Variants in KANK1 observed in about 807,000 individuals in gnomAD.
The protein encoded by KANK1 is KN motif and ankyrin repeat domain-containing protein 1.
KANK1 carries 109 observed loss-of-function variants against 106.2 expected under a neutral mutation model. That is an observed-to-expected ratio of 1.03 (90% CI 0.88 to 1.20). KANK1 has a LOEUF of 1.20. Among genes scored for constraint, KANK1 ranks in the 50% most tolerant of loss-of-function variants. The probability of loss-of-function intolerance (pLI) is 0.00; values close to 1 mark genes in which losing one functional copy is unlikely to be tolerated. For missense variants in KANK1, 2,399 were observed against 1,710.7 expected, an observed-to-expected ratio of 1.40 and a Z score of -7.10; for synonymous variants, 873 against 652.2, an observed-to-expected ratio of 1.34 and a Z score of -5.16.
chr9:647,813 G>A (rs892807990), intron 1 of KANK1, among the ~76,000 whole-genome samples: 4 of 150,326 alleles, frequency 2.7e-5, no homozygotes, highest in Admixed American at 6.6e-5. Flanking sequence ...GAAATAGCCC[G>A]CAATCCCAGA....
intron 2 of KANK1, among the ~76,000 whole-genome samples, chr9:683,494 C>G (rs1278364227): frequency 6.6e-6 from 1 of 152,204 alleles, no homozygotes; most frequent in African/African-American, 2.4e-5. Context: ...GCTGAGCTCA[C>G]ACAGCTAATG....
At chr9:522,006 A>C (rs2133238806) in intron 1 of KANK1, among the ~76,000 whole-genome samples, 1 of 151,780 alleles carries the variant, frequency 6.6e-6, no homozygotes, top group South Asian at 2.1e-4. Context: ...TTTTTGGAGA[A>C]CTGTTAGAAA....
chr9:579,313 C>G (rs1306576474), intron 1 of KANK1, among the ~76,000 whole-genome samples: 1 of 152,056 alleles, frequency 6.6e-6, no homozygotes, highest in Non-Finnish European at 1.5e-5. Context: ...TCTTTGGCTT[C>G]TAGGAACAAA....
At chr9:735,185 G>A (rs950497990) in intron 7 of KANK1, among the ~76,000 whole-genome samples, 1 of 152,168 alleles carries the variant, frequency 6.6e-6, no homozygotes, top group African/African-American at 2.4e-5. Flanking sequence ...CCAGGGAGCA[G>A]CATCCAAGAA....
intron 3 of KANK1, among the ~76,000 whole-genome samples, chr9:714,063 ACCTCCATTTCTAAAAAAATAT>A (rs144587480): frequency 0.068 from 10,403 of 152,016 alleles, 848 homozygotes; most frequent in East Asian, 0.2. Context: ...ACATAGTAAG[ACCTCCATTTCTAAAAAAATAT>A]GAAGTAAAAA....
intron 2 of KANK1, chr9:471,440 C>A (rs1436708013): frequency 1.3e-5 from 2 of 152,026 alleles, no homozygotes; most frequent in East Asian, 3.9e-4. Flanking sequence ...CTCTGCATGC[C>A]CCAAGGAGAT....
chr9:632,054 G>C (rs1431793130), intron 1 of KANK1, among the ~76,000 whole-genome samples: 1 of 152,156 alleles, frequency 6.6e-6, no homozygotes, highest in Admixed American at 6.5e-5. Flanking sequence ...TGTCTCCGTA[G>C]CATTGTGTCT....
At chr9:616,070 C>A (rs574373238) in intron 1 of KANK1, among the ~76,000 whole-genome samples, 1 of 152,194 alleles carries the variant, frequency 6.6e-6, no homozygotes, top group Non-Finnish European at 1.5e-5. Flanking sequence ...GTCACCTCCC[C>A]ACCCAGCATC....
intron 1 of KANK1, among the ~76,000 whole-genome samples, chr9:591,420 CGTCATGGCATTCTTGTT>C (rs1824847239): frequency 6.6e-6 from 1 of 151,758 alleles, no homozygotes; most frequent in African/African-American, 2.4e-5. Flanking sequence ...TGCCTGAGCT[CGTCATGGCATTCTTGTT>C]ATCATGGCCT....
chr9:643,543 A>ATTTTTTTTTTT (rs774468238), intron 1 of KANK1, among the ~76,000 whole-genome samples: 8 of 102,438 alleles, frequency 7.8e-5, no homozygotes, highest in Admixed American at 1.0e-4. Flanking sequence ...TTTCTTTTTG[A>ATTTTTTTTTTT]TTTTTTTTTT....
At chr9:505,433 C>T (rs1475305701) in intron 1 of KANK1, among the ~76,000 whole-genome samples, 1 of 152,220 alleles carries the variant, frequency 6.6e-6, no homozygotes, top group South Asian at 2.1e-4. Context: ...TCCCGCGGTT[C>T]CAGGTCGAGG....
intron 3 of KANK1, among the ~76,000 whole-genome samples, chr9:492,615 T>A (rs915559873): frequency 3.3e-5 from 5 of 152,202 alleles, no homozygotes; most frequent in Admixed American, 6.5e-5. Context: ...AATATCATTA[T>A]TTATTATTAT....
At chr9:543,834 G>T (rs902840636) in intron 1 of KANK1, among the ~76,000 whole-genome samples, 6 of 151,966 alleles carry the variant, frequency 3.9e-5, no homozygotes, top group African/African-American at 1.4e-4. Flanking sequence ...CTGTTGTTTT[G>T]CCCCTTACCG....
At chr9:718,324 T>TTTTTTTTTTA (rs869182633) in intron 3 of KANK1, among the ~76,000 whole-genome samples, 8 of 132,214 alleles carry the variant, frequency 6.1e-5, no homozygotes, top group South Asian at 2.5e-4. Flanking sequence ...TTTTTTTTTT[T>TTTTTTTTTTA]ACTCTTAAGA....
At chr9:522,864 G>A (rs368303817) in intron 1 of KANK1, among the ~76,000 whole-genome samples, 1 of 151,644 alleles carries the variant, frequency 6.6e-6, no homozygotes, top group African/African-American at 2.4e-5. Flanking sequence ...CAGCTCATGG[G>A]AATTAAGCCA....
intron 1 of KANK1, among the ~76,000 whole-genome samples, chr9:584,375 A>G (rs1822926118): frequency 6.6e-6 from 1 of 152,212 alleles, no homozygotes; most frequent in Admixed American, 6.5e-5. Context: ...AATTATCCTC[A>G]TGATTTTTAT....
chr9:677,142 T>C (rs1816575222), intron 2 of KANK1, 133 bp downstream of exon 2: 4 of 796,274 alleles, frequency 5.0e-6, no homozygotes, highest in African/African-American at 3.5e-5. Context: ...TTTCTGTCCA[T>C]TGAAGTTTGG....
In KANK1 at chr9:608,290, G is replaced by A. The variant is rs1829793485; in HGVS notation, c.-83-68600G>A. Reference sequence around the variant, plus strand: ...CTGACCTCATGATCCACCCGCCTCGGCCTCCCAAAGTGCTGGGATTACAGG... The same window carrying A: ...CTGACCTCATGATCCACCCGCCTCGACCTCCCAAAGTGCTGGGATTACAGG... On this transcript the variant is annotated intron_variant, in intron 1 of 11. Coordinates refer to ENST00000382297, the MANE Select transcript of KANK1 (RefSeq NM_015158.5). Among the ~76,000 whole-genome samples the A allele has an allele frequency of 2.0e-5, 3 of 151,598 alleles. No homozygotes were observed. The South Asian group carries it at 6.2e-4, about 32-fold the overall frequency.
intron 3 of KANK1, among the ~76,000 whole-genome samples, chr9:496,944 A>G (rs1169434029): frequency 6.6e-6 from 1 of 152,146 alleles, no homozygotes; most frequent in African/African-American, 2.4e-5. Flanking sequence ...TAACAATGAT[A>G]TAATAATTAT....
Sources: allele counts gnomAD v4.1 joint callset (sites outside exome capture counted in the v4.1 genomes callset), GRCh38; gene constraint gnomAD v4.1.1; transcripts MANE v1.5; gene names NCBI Gene and HGNC (gene_info 2026-07-23, HGNC 2026-07-21).